The following MAMLD1 variants were observed in gnomAD, a reference collection of about 807,000 sequenced individuals.
MAMLD1 encodes mastermind-like domain-containing protein 1.
Under a neutral mutation model 45.0 loss-of-function variants are expected in MAMLD1, and 14 were observed. The ratio of observed to expected loss-of-function variants is 0.31; its 90% confidence interval spans 0.21 to 0.49. The LOEUF (loss-of-function observed/expected upper bound fraction) is 0.49. Among genes scored for constraint, MAMLD1 ranks in the 20% least tolerant of loss-of-function variants. MAMLD1 has a pLI of 0.99. For missense variants in MAMLD1, 543 were observed against 603.6 expected (o/e 0.90, Z 1.05); for synonymous variants, 254 against 247.8 (o/e 1.02, Z -0.24).
At chrX:150,499,722 A>T (rs781941163) in intron 5 of MAMLD1, among the ~76,000 whole-genome samples, 170 of 111,739 alleles carry the variant, frequency 1.5e-3, no homozygotes, top group Non-Finnish European at 2.7e-3. Flanking sequence ...TCATCTTATT[A>T]GCTAGGAACA....
At chrX:150,484,578 G>A (rs1213527019) in intron 5 of MAMLD1, among the ~76,000 whole-genome samples, 1 of 112,434 alleles carries the variant, frequency 8.9e-6, no homozygotes, top group East Asian at 2.8e-4. Flanking sequence ...TGCCCAGCTT[G>A]TTCCACAGCA....
intron 1 of MAMLD1, among the ~76,000 whole-genome samples, chrX:150,434,161 A>G (rs1444197614): frequency 9.0e-6 from 1 of 111,194 alleles, no homozygotes; most frequent in Non-Finnish European, 1.9e-5. Context: ...CAATTTATCC[A>G]TTTCTTCTAG....
chrX:150,482,031 A>T (rs1557407347), intron 5 of MAMLD1, among the ~76,000 whole-genome samples: 4 of 107,744 alleles, frequency 3.7e-5, no homozygotes, highest in South Asian at 4.1e-4. Context: ...AAAGAAAGAA[A>T]GAATTGAAAG....
At position 150,470,744 on chromosome X, in the gene MAMLD1, A is replaced by G. The variant is rs990456992; in HGVS notation, c.1171A>G (p.Met391Val). ...RGSPNALLSS[M>V]TSSSNAALGP... is the part of the protein sequence containing the mutation. ...CTCTCCCAATGCCTTACTGTCAAGC[A>G]TGACGTCCAGCAGCAATGCTGCCCT... Residue 391 changes from methionine (M) to valine (V), a missense_variant, in exon 4 of 8, where the codon ATG (methionine) becomes GTG (valine). Transcript: ENST00000370401. 4 of 1,211,955 alleles carry G rather than the reference A, an allele frequency of 3.3e-6. No homozygotes were observed. The highest frequency in any genetic ancestry group is 1.7e-5 in the African/African-American group (1 of 57,826).
intron 5 of MAMLD1, among the ~76,000 whole-genome samples, chrX:150,483,640 A>C (rs782155914): frequency 1.2e-4 from 14 of 112,705 alleles, no homozygotes; most frequent in Non-Finnish European, 2.4e-4. Context: ...TCTCTGGTCC[A>C]GTTAAGCTCC....
chrX:150,496,271 A>G (rs1423965366), intron 5 of MAMLD1, among the ~76,000 whole-genome samples: 1 of 112,486 alleles, frequency 8.9e-6, no homozygotes, highest in African/African-American at 3.2e-5. Flanking sequence ...ATATTGAAGC[A>G]TTTGTAGTAT....
At chrX:150,362,813 C>G (rs1557400539), upstream of MAMLD1, 1 of 112,782 alleles carries the variant, frequency 8.9e-6, no homozygotes, top group East Asian at 2.8e-4. Flanking sequence ...CCTCTTTCCA[C>G]CAGCGCACCG....
At chrX:150,380,923 A>G (rs2032574123) in intron 1 of MAMLD1, among the ~76,000 whole-genome samples, 2 of 109,612 alleles carry the variant, frequency 1.8e-5, no homozygotes, top group Non-Finnish European at 3.8e-5. Context: ...GCTGGTCTCA[A>G]ACTCCTGGGC....
chrX:150,492,621 C>T (rs1431637589), intron 5 of MAMLD1, among the ~76,000 whole-genome samples: 1 of 111,667 alleles, frequency 9.0e-6, no homozygotes, highest in Admixed American at 9.5e-5. Context: ...GGGGCAAGGC[C>T]CTTTCCTGCC....
intron 1 of MAMLD1, among the ~76,000 whole-genome samples, chrX:150,439,485 T>C (rs2035226436): frequency 8.9e-6 from 1 of 111,758 alleles, no homozygotes; most frequent in African/African-American, 3.3e-5. Flanking sequence ...TGTTGATCAG[T>C]TTTGAGCTGA....
intron 1 of MAMLD1, among the ~76,000 whole-genome samples, chrX:150,365,229 C>G (rs2031326765): frequency 9.0e-6 from 1 of 111,729 alleles, no homozygotes. Flanking sequence ...GCGGCTGTCT[C>G]CAAGTGGTTT....
intron 1 of MAMLD1, among the ~76,000 whole-genome samples, chrX:150,388,160 T>C (rs2033016489): frequency 8.9e-6 from 1 of 111,880 alleles, no homozygotes; most frequent in Non-Finnish European, 1.9e-5. Context: ...GGATATTTCC[T>C]TTTCAAGAGT....
At chrX:150,507,979 G>A (rs1417305827) in intron 6 of MAMLD1, among the ~76,000 whole-genome samples, 2 of 112,338 alleles carry the variant, frequency 1.8e-5, no homozygotes, top group Non-Finnish European at 3.8e-5. Flanking sequence ...AGCCAGCCAC[G>A]CAGGAATCTG....
rs1012520419 is a variant in MAMLD1 at position 150,513,812 on chromosome X, G to C, written c.*1853G>C. Reference sequence around the variant, plus strand: ...TCCTCCTCCCTTTACCATTCAGACCGAGAGAAAAAGCCCAGCTTGTGTGCA... The same window carrying C: ...TCCTCCTCCCTTTACCATTCAGACCCAGAGAAAAAGCCCAGCTTGTGTGCA... On this transcript the variant is annotated 3_prime_UTR_variant, in exon 8 of 8. Coordinates refer to ENST00000370401, the MANE Select transcript of MAMLD1 (RefSeq NM_005491.5). The C allele has an allele frequency of 4.4e-5, 13 of 295,808 alleles. No individual in the cohort carries two copies. The highest frequency in any genetic ancestry group is 2.4e-5 in the Non-Finnish European group (4 of 170,073). The allele number at this position is 295,808 out of a possible 1,213,427, so 24.4% of individuals were successfully genotyped here.
intron 1 of MAMLD1, among the ~76,000 whole-genome samples, chrX:150,404,929 T>A (rs2033961010): frequency 8.9e-6 from 1 of 112,296 alleles, no homozygotes; most frequent in African/African-American, 3.2e-5. Context: ...TACCTGTTGA[T>A]GGGCATTTGG....
intron 5 of MAMLD1, among the ~76,000 whole-genome samples, chrX:150,498,090 A>G (rs781818068): frequency 9.0e-6 from 1 of 111,077 alleles, no homozygotes; most frequent in Admixed American, 9.6e-5. Flanking sequence ...CATCATCATC[A>G]TCAATTATTA....
upstream of MAMLD1, among the ~76,000 whole-genome samples, chrX:150,362,354 T>C (rs1314956624): frequency 9.0e-6 from 1 of 111,148 alleles, no homozygotes; most frequent in African/African-American, 3.3e-5. Flanking sequence ...CCTGTGACAC[T>C]TCAGGGTCCT....
intron 5 of MAMLD1, among the ~76,000 whole-genome samples, chrX:150,497,428 C>T (rs1359645805): frequency 2.8e-5 from 3 of 108,632 alleles, no homozygotes; most frequent in African/African-American, 1.0e-4. Context: ...GGACTACAGG[C>T]ACGCACCACC....
At chrX:150,488,274 C>A (rs781986516) in intron 5 of MAMLD1, among the ~76,000 whole-genome samples, 141 of 112,505 alleles carry the variant, frequency 1.3e-3, no homozygotes, top group Non-Finnish European at 2.0e-3. Flanking sequence ...AGAAGACCCT[C>A]CAGCTTACAG....
Sources: allele counts gnomAD v4.1 joint callset (sites outside exome capture counted in the v4.1 genomes callset), GRCh38; gene constraint gnomAD v4.1.1; transcripts MANE v1.5; gene names NCBI Gene and HGNC (gene_info 2026-07-23, HGNC 2026-07-21).